TADA2A: variants seen among roughly 807,000 people sequenced by gnomAD.
TADA2A encodes transcriptional adapter 2-alpha.
In TADA2A, 38 loss-of-function variants were observed where a neutral mutation model predicts 67.4. The observed-to-expected ratio is 0.56, with a 90% CI of 0.44 to 0.74. The LOEUF (loss-of-function observed/expected upper bound fraction) is 0.74. Ranked by LOEUF, TADA2A falls within the 30% of genes least tolerant of loss-of-function variation. The pLI is 0.00. For synonymous variants in TADA2A, 192 were observed against 181.6 expected, an observed-to-expected ratio of 1.06 and a Z score of -0.46; for missense variants, 454 against 547.0, an observed-to-expected ratio of 0.83 and a Z score of 1.70.
chr17:37,417,362 C>T (rs2052083387), intron 2 of TADA2A, among the ~76,000 whole-genome samples: 1 of 148,924 alleles, frequency 6.7e-6, no homozygotes, highest in Non-Finnish European at 1.5e-5. Flanking sequence ...GGCAACAGAG[C>T]AAGACTCCGT....
chr17:37,425,463 TGAA>T (rs943933124), intron 3 of TADA2A, among the ~76,000 whole-genome samples: 1 of 152,154 alleles, frequency 6.6e-6, no homozygotes, highest in Non-Finnish European at 1.5e-5. Flanking sequence ...ATTTTATAGA[TGAA>T]GAAATTTAGG....
chr17:37,409,145 G>A (rs1452519261), intron 1 of TADA2A, among the ~76,000 whole-genome samples: 1 of 152,096 alleles, frequency 6.6e-6, no homozygotes, highest in Non-Finnish European at 1.5e-5. Flanking sequence ...GAGTGCAGTG[G>A]CACAATCTCG....
chr17:37,417,581 C>T (rs1295952125), intron 2 of TADA2A, among the ~76,000 whole-genome samples: 2 of 151,930 alleles, frequency 1.3e-5, no homozygotes, highest in African/African-American at 4.8e-5. Context: ...GTTGCCCATG[C>T]TAGAGTGCAG....
intron 2 of TADA2A, among the ~76,000 whole-genome samples, chr17:37,411,936 C>A (rs546884156): frequency 6.6e-6 from 1 of 151,144 alleles, no homozygotes; most frequent in Admixed American, 6.6e-5. Context: ...AGCAGCCGGG[C>A]GTGGTGGCTC....
intron 10 of TADA2A, 142 bp from the exon 11 acceptor site, chr17:37,465,289 T>G: frequency 1.6e-6 from 1 of 634,468 alleles, no homozygotes; most frequent in Non-Finnish European, 2.8e-6. Context: ...CTTTCCTGTT[T>G]GCTTCCTGTC....
chr17:37,411,556 A>G (rs1391002455), intron 2 of TADA2A, among the ~76,000 whole-genome samples, 166 bp downstream of exon 2: 1 of 151,962 alleles, frequency 6.6e-6, no homozygotes, highest in East Asian at 1.9e-4. Flanking sequence ...CTGAGTAGCT[A>G]GGACTACAGG....
chr17:37,462,163 A>G (rs559284664), intron 10 of TADA2A, 42 bp downstream of exon 10: 4 of 1,285,880 alleles, frequency 3.1e-6, no homozygotes, highest in East Asian at 4.7e-5. Context: ...TTTTTTTCCA[A>G]TATTATTGAA....
chr17:37,419,572 A>C (rs964470261), intron 2 of TADA2A, among the ~76,000 whole-genome samples: 1 of 146,616 alleles, frequency 6.8e-6, no homozygotes, highest in Non-Finnish European at 1.5e-5. Flanking sequence ...TGAATCCAGG[A>C]GTTCAAGACC....
chr17:37,407,681 C>G (rs1036753029), intron 1 of TADA2A, among the ~76,000 whole-genome samples: 2 of 151,726 alleles, frequency 1.3e-5, no homozygotes, highest in Non-Finnish European at 2.9e-5. Flanking sequence ...GGCACGATCG[C>G]GGCTCACTGC....
intron 4 of TADA2A, among the ~76,000 whole-genome samples, chr17:37,427,225 A>G (rs528963528): frequency 1.3e-5 from 2 of 152,372 alleles, no homozygotes; most frequent in East Asian, 1.9e-4. Flanking sequence ...GTATTTAAGC[A>G]CAAAAATAGT....
chr17:37,455,310 T>G (rs1006181390), intron 8 of TADA2A, among the ~76,000 whole-genome samples: 9 of 99,342 alleles, frequency 9.1e-5, no homozygotes, highest in East Asian at 1.2e-3. Flanking sequence ...GGTCTTCTGG[T>G]TATTAAAAAA....
chr17:37,453,866 G>A (rs1168171515), intron 8 of TADA2A, among the ~76,000 whole-genome samples: 2 of 145,646 alleles, frequency 1.4e-5, no homozygotes, highest in Non-Finnish European at 3.0e-5. Context: ...TGCCTTCTGG[G>A]TTCAAGAGAT....
intron 2 of TADA2A, among the ~76,000 whole-genome samples, chr17:37,413,563 A>T (rs1009328812): frequency 7.3e-5 from 11 of 151,636 alleles, no homozygotes; most frequent in African/African-American, 2.7e-4. Flanking sequence ...TTTTATTTTT[A>T]AGAGATGGGG....
At chr17:37,471,820 T>G (rs1249242411) in intron 14 of TADA2A, among the ~76,000 whole-genome samples, 2 of 152,274 alleles carry the variant, frequency 1.3e-5, no homozygotes, top group South Asian at 2.1e-4. Context: ...CTTTTTATTT[T>G]TATATAACAT....
chr17:37,462,252 T>A, intron 10 of TADA2A, 131 bp downstream of exon 10: 1 of 601,458 alleles, frequency 1.7e-6, no homozygotes, highest in Non-Finnish European at 2.9e-6. Flanking sequence ...ACTAATGAAG[T>A]AAGAATCTCT....
chr17:37,462,120 A>C lies in TADA2A; in HGVS notation c.711A>C (p.Gln237His). 6.5e-7 allele frequency: 1 copy of C among 1,548,364 alleles called. No homozygotes were observed. The highest frequency in any genetic ancestry group is 8.8e-7 in the Non-Finnish European group (1 of 1,131,544). ...GATTAATCAACCTTAGAAAGTTTCA[A>C]TGTAAGTATTAGCAGTTTTCTTTAT... ...DHGLINLRKF[Q>H]LMERRYPKEV... is the part of the protein sequence containing the mutation. Residue 237 changes from glutamine to histidine, a missense_variant and splice_region_variant, in exon 10 of 16, where the codon CAA becomes CAC. By Grantham distance (24) the Gln-to-His change is conservative. This residue lies in a region of TADA2A where 403 missense variants were observed against 455.5 expected (regional missense o/e 0.88). Transcript: ENST00000615182.
intron 5 of TADA2A, among the ~76,000 whole-genome samples, chr17:37,438,319 C>T (rs1483936678): frequency 2.6e-5 from 4 of 152,244 alleles, no homozygotes; most frequent in African/African-American, 9.6e-5. Context: ...TTGAATAGCA[C>T]TTATTGCTGT....
At chr17:37,453,607 G>A (rs913280808) in intron 8 of TADA2A, among the ~76,000 whole-genome samples, 1 of 152,086 alleles carries the variant, frequency 6.6e-6, no homozygotes, top group Non-Finnish European at 1.5e-5. Flanking sequence ...TGTAAATAAT[G>A]TGTTGACTTA....
At chr17:37,439,033 G>A (rs912674259) in intron 5 of TADA2A, among the ~76,000 whole-genome samples, 51 of 152,146 alleles carry the variant, frequency 3.4e-4, no homozygotes, top group African/African-American at 1.2e-3. Flanking sequence ...GGGAGGTCAA[G>A]TGAAATGCTG....
Sources: gnomAD v4.1 joint callset for allele counts (sites outside exome capture counted in the v4.1 genomes callset) on GRCh38, gnomAD v4.1.1 for gene constraint, gnomAD v4.1.1 regional missense constraint, MANE v1.5 for transcripts, NCBI Gene and HGNC (gene_info 2026-07-23, HGNC 2026-07-21) for gene names.